Variants in CFAP251 observed in about 807,000 individuals in gnomAD.
CFAP251 encodes cilia and flagella associated protein 251.
Under a neutral mutation model 126.7 loss-of-function variants are expected in CFAP251, and 93 were observed. The ratio of observed to expected loss-of-function variants is 0.73; its 90% CI spans 0.62 to 0.87. The LOEUF (loss-of-function observed/expected upper bound fraction) is 0.87. Ranked by LOEUF, CFAP251 falls within the 40% of genes least tolerant of loss-of-function variation. The pLI is 0.00. For missense variants in CFAP251, 1,287 were observed against 1,389.2 expected (o/e 0.93, Z 1.17); for synonymous variants, 503 against 506.9 (o/e 0.99, Z 0.10).
rs1281356659 is a variant in CFAP251 at position 121,939,421 on chromosome 12, G to A, written c.999-3113G>A. Among the ~76,000 whole-genome samples the A allele has an allele frequency of 2.0e-5, 3 of 152,226 alleles. No individual in the cohort carries two copies. In the East Asian group the frequency reaches 5.8e-4, roughly 29 times the overall value. On this transcript the variant is annotated intron_variant, in intron 5 of 21. Coordinates refer to ENST00000288912, the MANE Select transcript of CFAP251 (RefSeq NM_144668.6). ...AAGGGTATTATCTCATGCAGTAGAA[G>A]CCTGCAGTCGGCCGGCAGAAGGGTC... is the stretch of plus-strand genomic sequence containing the variant.
intron 19 of CFAP251, among the ~76,000 whole-genome samples, chr12:121,993,829 C>T (rs1455214289): frequency 1.7e-4 from 24 of 137,856 alleles, no homozygotes; most frequent in Admixed American, 5.0e-4. Flanking sequence ...CCAGCCGCCC[C>T]GTCCGGGAGG....
At chr12:121,958,591 G>A (rs907932057) in intron 12 of CFAP251, 69 bp downstream of exon 12, 10 of 1,590,382 alleles carry the variant, frequency 6.3e-6, no homozygotes, top group Non-Finnish European at 8.6e-6. Context: ...ATGCACCTGG[G>A]CTGGCATAGC....
In CFAP251 at chr12:121,921,641, A is replaced by C; in HGVS notation, c.336A>C (p.Thr112=). The C allele has an allele frequency of 1.9e-6, 3 of 1,611,322 alleles. No individual in the cohort carries two copies. Among genetic ancestry groups the C allele is most frequent in the Non-Finnish European group, 2.5e-6 (3 of 1,179,162 alleles). ...CAGCGTCCATGATCCGTTTGGAGAC[A>C]CAGATTACTGATTCCCAGTCAATCA... is the stretch of plus-strand genomic sequence containing the variant. ...EVTASMIRLE[T]QITDSQSITS... Residue 112 remains threonine (T), a synonymous_variant, in exon 2 of 22, where the codon ACA becomes ACC. Transcript: ENST00000288912.
intron 3 of CFAP251, among the ~76,000 whole-genome samples, chr12:121,927,889 G>C (rs7314989): frequency 0.21 from 31,697 of 152,142 alleles, 7,024 homozygotes; most frequent in African/African-American, 0.55. Flanking sequence ...ATCTGGTTTT[G>C]ACAGCAAAGT....
intron 15 of CFAP251, among the ~76,000 whole-genome samples, chr12:121,966,237 C>G (rs181288329): frequency 6.2e-5 from 1 of 16,052 alleles, no homozygotes; most frequent in Non-Finnish European, 1.6e-4. Flanking sequence ...CCCTCCCCTC[C>G]CCTTCCCTCC....
At chr12:121,978,413 A>G (rs1288917584) in intron 19 of CFAP251, among the ~76,000 whole-genome samples, 1 of 149,348 alleles carries the variant, frequency 6.7e-6, no homozygotes, top group Admixed American at 6.7e-5. Context: ...AAAAAAAAAA[A>G]AAAAAAAATT....
At chr12:121,956,367 C>A (rs1159933996) in intron 10 of CFAP251, among the ~76,000 whole-genome samples, 2 of 152,170 alleles carry the variant, frequency 1.3e-5, no homozygotes, top group Non-Finnish European at 2.9e-5. Flanking sequence ...TAGCAGAGAG[C>A]ATGGACTTTG....
intron 2 of CFAP251, 46 bp from the exon 3 acceptor site, chr12:121,923,576 G>A: frequency 6.4e-7 from 1 of 1,550,970 alleles, no homozygotes; most frequent in Non-Finnish European, 8.7e-7. Context: ...AATAAATGGT[G>A]AGTAGCAGCA....
chr12:121,920,645 G>A (rs533961311), intron 1 of CFAP251, among the ~76,000 whole-genome samples: 90 of 151,862 alleles, frequency 5.9e-4, no homozygotes, highest in Non-Finnish European at 1.0e-3. Context: ...ATCCACCCGC[G>A]TCAGCCTCCC....
chr12:121,971,525 A>C (rs1355395007), intron 17 of CFAP251: 1 of 702,414 alleles, frequency 1.4e-6, no homozygotes, highest in Admixed American at 2.0e-5. Context: ...GCACTGAGTG[A>C]GTTCCATGTA....
chr12:121,949,491 T>TG (rs1402651895), intron 8 of CFAP251: 1 of 152,000 alleles, frequency 6.6e-6, no homozygotes, highest in African/African-American at 2.4e-5. Flanking sequence ...GTTTTTTTTT[T>TG]TTTTTTTTTT....
At chr12:121,991,442 C>A (rs1882872349) in intron 19 of CFAP251, among the ~76,000 whole-genome samples, 1 of 152,242 alleles carries the variant, frequency 6.6e-6, no homozygotes, top group Non-Finnish European at 1.5e-5. Flanking sequence ...CAGCAGTATT[C>A]AAAGTGTGGT....
intron 16 of CFAP251, among the ~76,000 whole-genome samples, chr12:121,967,520 G>A (rs1882185919): frequency 6.6e-6 from 1 of 152,160 alleles, no homozygotes. Context: ...GGCTAACACG[G>A]TGAAACCCCG....
intron 19 of CFAP251, among the ~76,000 whole-genome samples, chr12:121,988,857 T>C (rs1882811650): frequency 6.6e-6 from 1 of 151,202 alleles, no homozygotes; most frequent in Non-Finnish European, 1.5e-5. Flanking sequence ...CACCTCAGCC[T>C]CCCGAGTACC....
At chr12:121,955,513 T>C (rs923686299) in intron 10 of CFAP251, among the ~76,000 whole-genome samples, 1 of 152,076 alleles carries the variant, frequency 6.6e-6, no homozygotes, top group East Asian at 1.9e-4. Context: ...TCACGAGATA[T>C]GGATGCACAT....
intron 19 of CFAP251, among the ~76,000 whole-genome samples, chr12:121,977,606 G>A (rs1454232163): frequency 1.3e-5 from 2 of 151,960 alleles, no homozygotes; most frequent in Non-Finnish European, 1.5e-5. Flanking sequence ...GTTGCAGTGA[G>A]CCAAGATCAC....
At chr12:121,963,030 G>A (rs533712611) in intron 15 of CFAP251, among the ~76,000 whole-genome samples, 1 of 152,284 alleles carries the variant, frequency 6.6e-6, no homozygotes, top group East Asian at 1.9e-4. Context: ...CGGGTAAGGC[G>A]AGAGCTAGTG....
chr12:121,997,239 C>G (rs746832461), intron 19 of CFAP251: 17 of 152,078 alleles, frequency 1.1e-4, no homozygotes, highest in African/African-American at 3.9e-4. Context: ...CAAAGGCGTA[C>G]GCCACAACAC....
chr12:121,961,904 A>C, intron 14 of CFAP251, 74 bp from the exon 15 acceptor site: 23 of 1,465,090 alleles, frequency 1.6e-5, no homozygotes, highest in Non-Finnish European at 2.0e-5. Flanking sequence ...CTGTCACCCA[A>C]GAGCTTGGGG....
Sources: allele counts gnomAD v4.1 joint callset (sites outside exome capture counted in the v4.1 genomes callset), GRCh38; gene constraint gnomAD v4.1.1; transcripts MANE v1.5; gene names NCBI Gene and HGNC (gene_info 2026-07-23, HGNC 2026-07-21).